EHD2: variants seen among roughly 807,000 people sequenced by gnomAD.
EHD2 encodes the protein EH domain containing 2, also known as EH domain-containing protein 2.
In EHD2, 27 loss-of-function variants were observed where a neutral mutation model predicts 41.0. The observed-to-expected ratio is 0.66, with a 90% CI of 0.49 to 0.91. The LOEUF (loss-of-function observed/expected upper bound fraction) is 0.91, where lower values mean the gene tolerates loss of function less well. Among genes scored for constraint, EHD2 ranks in the 40% least tolerant of loss-of-function variants. The probability of loss-of-function intolerance (pLI) is 0.00; values close to 1 mark genes in which losing one functional copy is unlikely to be tolerated. For synonymous variants in EHD2, 342 were observed against 341.0 expected (o/e 1.00, Z -0.03); for missense variants, 673 against 773.9 (o/e 0.87, Z 1.55).
chr19:47,731,279 A>AAAAAAAT, intron 4 of EHD2: 25 of 60,932 alleles, frequency 4.1e-4, no homozygotes, highest in African/African-American at 1.2e-3. Context: ...AAAAAAAAAA[A>AAAAAAAT]ATATATATAT....
chr19:47,723,118 G>C (rs1294121054), intron 3 of EHD2, among the ~76,000 whole-genome samples: 1 of 152,156 alleles, frequency 6.6e-6, no homozygotes, highest in Non-Finnish European at 1.5e-5. Context: ...CTGGCCCTGG[G>C]CTCCCACAGC....
chr19:47,731,244 A>T (rs1286783576), intron 4 of EHD2: 1 of 135,828 alleles, frequency 7.4e-6, no homozygotes, highest in South Asian at 2.4e-4. Context: ...CAACGTTCTC[A>T]GCAGTCTAAA....
At chr19:47,718,005 T>A (rs143275642) in intron 2 of EHD2, among the ~76,000 whole-genome samples, 2 of 139,150 alleles carry the variant, frequency 1.4e-5, no homozygotes, top group African/African-American at 5.3e-5. Flanking sequence ...GGGCGCAGTG[T>A]CTCACGCCTG....
chr19:47,716,869 C>T lies in EHD2; in HGVS notation c.257C>T (p.Ser86Phe). 1.2e-6 allele frequency: 2 copies of T among 1,611,890 alleles called. No homozygotes were observed. The highest frequency in any genetic ancestry group is 1.7e-6 in the Non-Finnish European group (2 of 1,179,132). ...QYLLEQEVPG[S>F]RVGPEPTTDC... ...CTGCTGGAGCAGGAGGTGCCCGGCT[C>T]CCGCGTGGGGCCTGAGCCCACCACC... Residue 86 changes from serine (S) to phenylalanine (F), a missense_variant, in exon 2 of 6, where the codon TCC becomes TTC. Transcript: ENST00000263277.
rs549839923 is a variant in EHD2, at chr19:47,720,792, C to T, written c.502+2186C>T. Among the ~76,000 whole-genome samples the T allele has an allele frequency of 1.7e-3, 258 of 151,972 alleles. 3 individuals carry two copies. Among genetic ancestry groups the T allele is most frequent in the African/African-American group, 6.0e-3 (247 of 41,452 alleles). On this transcript the variant is annotated intron_variant, in intron 3 of 5. Coordinates refer to ENST00000263277, the MANE Select transcript of EHD2 (RefSeq NM_014601.4). ...GATTTTGTGGGACTGTGTGTGACTA[C>T]CTGTGATTGTATCTCCGGATACAGT...
rs200296704 is a variant in EHD2, at chr19:47,741,360, C to T, written c.1560C>T (p.His520=). 8 of 1,608,536 alleles carry T rather than the reference C, an allele frequency of 5.0e-6. No individual in the cohort carries two copies. The highest frequency in any genetic ancestry group is 1.7e-4 in the Middle Eastern group (1 of 6,058). ...TCATCGAGGCCAAGCTGGAAGGCCA[C>T]GGGCTGCCCGCCAACCTGCCCCGTC... ...SHLIEAKLEG[H]GLPANLPRRL... is the part of the protein sequence containing the mutation. Residue 520 remains histidine (H), a synonymous_variant, in exon 6 of 6, where the codon CAC becomes CAT. Transcript: ENST00000263277. The surrounding 1 kb of genome is among the most constrained non-coding windows in gnomAD (Gnocchi z 4.5).
At chr19:47,718,297 C>G in intron 2 of EHD2, among the ~76,000 whole-genome samples, 1 of 135,852 alleles carries the variant, frequency 7.4e-6, no homozygotes, top group Admixed American at 7.4e-5. Context: ...AAAAAAAGAA[C>G]AGTACCTGGC....
At position 47,719,425 on chromosome 19, in the gene EHD2, G is replaced by T. The variant is rs1973671226; in HGVS notation, c.502+819G>T. ...GAATTTATAAACAGCTGTGCAAGGA[G>T]AGTGGCGGGGGGTGGATTCCAGCCG... On this transcript the variant is annotated intron_variant, in intron 3 of 5. Transcript: ENST00000263277. This position sits in a 1 kb window ranked among gnomAD's most constrained non-coding sequence, Gnocchi z 4.1. Among the ~76,000 whole-genome samples, 1 of 152,114 alleles carries T rather than the reference G, an allele frequency of 6.6e-6. No individual in the cohort carries two copies. Among genetic ancestry groups the T allele is most frequent in the Admixed American group, 6.5e-5 (1 of 15,290 alleles).
chr19:47,728,849 C>T (rs907928245), intron 4 of EHD2, among the ~76,000 whole-genome samples: 1 of 152,246 alleles, frequency 6.6e-6, no homozygotes, highest in Non-Finnish European at 1.5e-5. Flanking sequence ...GGATTACAGG[C>T]GTAAGCCACC....
rs752410169 is a variant in EHD2 at position 47,741,339 on chromosome 19, C to G, written c.1539C>G (p.Ile513Met). 1.2e-6 allele frequency: 2 copies of G among 1,612,110 alleles called. No individual in the cohort carries two copies. The highest frequency in any genetic ancestry group is 1.7e-6 in the Non-Finnish European group (2 of 1,179,814). Residue 513 changes from isoleucine (I) to methionine (M), a missense_variant, in exon 6 of 6, where the codon ATC becomes ATG. Physicochemically the swap from Ile to Met is conservative, Grantham distance 10 (BLOSUM62 1). Transcript: ENST00000263277. This position sits in a 1 kb window ranked among gnomAD's most constrained non-coding sequence, Gnocchi z 4.5. ...DEEFALASHL[I>M]EAKLEGHGLP... is the part of the protein sequence containing the mutation. Reference sequence around the variant, plus strand: ...AGTTCGCGCTGGCCAGCCACCTCATCGAGGCCAAGCTGGAAGGCCACGGGC... The same window carrying G: ...AGTTCGCGCTGGCCAGCCACCTCATGGAGGCCAAGCTGGAAGGCCACGGGC...
chr19:47,740,934 G>A lies in EHD2; in HGVS notation c.1134G>A (p.Leu378=). The A allele has an allele frequency of 6.2e-7, 1 of 1,613,378 alleles. No individual in the cohort carries two copies. Reference sequence around the variant, plus strand: ...AGTTTCACTCGCTGAAGCCGAAGCTGCTAGAGGCACTGGACGAGATGCTGA... The same window carrying A: ...AGTTTCACTCGCTGAAGCCGAAGCTACTAGAGGCACTGGACGAGATGCTGA... ...FTKFHSLKPK[L]LEALDEMLTH... Residue 378 remains leucine, a synonymous_variant, in exon 6 of 6, where the codon CTG becomes CTA. Transcript: ENST00000263277.
In EHD2 at chr19:47,742,750, T is replaced by A. The variant is rs1429030451; in HGVS notation, c.*1318T>A. ...CTCCCCACAGCTGGTAATCTGGACT[T>A]AAGGATTGCTGGGCCACCGCCTCTC... is the stretch of plus-strand genomic sequence containing the variant. On this transcript the variant is annotated 3_prime_UTR_variant, in exon 6 of 6. Coordinates refer to ENST00000263277, the MANE Select transcript of EHD2 (RefSeq NM_014601.4). 1 of 152,700 alleles carries A rather than the reference T, an allele frequency of 6.5e-6. No homozygotes were observed. The highest frequency in any genetic ancestry group is 1.5e-5 in the Non-Finnish European group (1 of 68,218). The allele number at this position is 152,700 out of a possible 1,614,324, so 9.5% of individuals were successfully genotyped here.
chr19:47,738,393 C>T (rs1312274980), intron 5 of EHD2, among the ~76,000 whole-genome samples: 1 of 152,044 alleles, frequency 6.6e-6, no homozygotes, highest in Non-Finnish European at 1.5e-5. Flanking sequence ...ACCTCTGCCT[C>T]CCGGGTTCAA....
intron 3 of EHD2, among the ~76,000 whole-genome samples, chr19:47,725,366 C>T (rs1973739415): frequency 7.6e-6 from 1 of 131,904 alleles, no homozygotes; most frequent in Non-Finnish European, 1.5e-5. Context: ...CCCGGCAGCC[C>T]GGGTAACATA....
rs776909017 is a variant in EHD2 at position 47,741,198 on chromosome 19, G to A, written c.1398G>A (p.Lys466=). Residue 466 remains lysine, a synonymous_variant, in exon 6 of 6, where the codon AAG becomes AAA. Coordinates refer to ENST00000263277, the MANE Select transcript of EHD2 (RefSeq NM_014601.4). The surrounding 1 kb of genome is among the most constrained non-coding windows in gnomAD (Gnocchi z 4.5). The part of the protein sequence containing the change: ...IFYNLAPADG[K]LSGSKAKTWM... ...ACAACCTGGCGCCTGCCGACGGCAAGCTGAGCGGCTCCAAGGCCAAGACCT... is the reference window on the plus strand; with the variant it reads ...ACAACCTGGCGCCTGCCGACGGCAAACTGAGCGGCTCCAAGGCCAAGACCT... 1 of 1,614,026 alleles carries A rather than the reference G, an allele frequency of 6.2e-7. No homozygotes were observed. The highest frequency in any genetic ancestry group is 8.5e-7 in the Non-Finnish European group (1 of 1,179,992).
In EHD2 at chr19:47,725,999, GCGCGTCTA is replaced by G; in HGVS notation, c.693_700del (p.Val232ArgfsTer121). Reference sequence around the variant, plus strand: ...ACATGGTGGAGACGCAGCAGCTGATGCGCGTCTACGGCGCGCTCATGTGGGCGCTGGGC... The same window carrying G: ...ACATGGTGGAGACGCAGCAGCTGATGCGGCGCGCTCATGTGGGCGCTGGGC... On this transcript the variant is annotated frameshift_variant, in exon 4 of 6. Transcript: ENST00000263277. LOFTEE classifies it high-confidence loss of function. 1 of 1,609,258 alleles carries G rather than the reference GCGCGTCTA, an allele frequency of 6.2e-7. No individual in the cohort carries two copies. Among genetic ancestry groups the G allele is most frequent in the Non-Finnish European group, 8.5e-7 (1 of 1,177,008 alleles).
intron 1 of EHD2, among the ~76,000 whole-genome samples, chr19:47,714,879 C>CA (rs904064305): frequency 6.0e-5 from 9 of 150,274 alleles, no homozygotes; most frequent in East Asian, 1.9e-4. Context: ...ACTAAAAATA[C>CA]AAAAAAAAAT....
intron 1 of EHD2, among the ~76,000 whole-genome samples, chr19:47,714,287 C>G (rs1973602925): frequency 6.6e-6 from 1 of 152,128 alleles, no homozygotes; most frequent in Non-Finnish European, 1.5e-5. Context: ...CTGCCCCCGC[C>G]CTGGAATCCA....
At chr19:47,717,155 C>T in intron 2 of EHD2, 139 bp downstream of exon 2, 1 of 1,133,366 alleles carries the variant, frequency 8.8e-7, no homozygotes, top group Non-Finnish European at 1.2e-6. Context: ...TCAAGCAATT[C>T]TCCTGCCTCA....
Sources: allele counts gnomAD v4.1 joint callset (sites outside exome capture counted in the v4.1 genomes callset), GRCh38; gene constraint gnomAD v4.1.1; non-coding constraint Gnocchi (gnomAD v3.1); transcripts MANE v1.5; gene names NCBI Gene and HGNC (gene_info 2026-07-23, HGNC 2026-07-21).